LARP1B: variants seen among roughly 807,000 people sequenced by gnomAD.
LARP1B encodes the protein La ribonucleoprotein 1B.
LARP1B carries 76 observed loss-of-function variants against 114.2 expected under a neutral mutation model. The ratio of observed to expected loss-of-function variants is 0.67; its 90% CI spans 0.55 to 0.81. The LOEUF (loss-of-function observed/expected upper bound fraction) is 0.81, where lower values mean the gene tolerates loss of function less well. Ranked by LOEUF, LARP1B falls within the 30% of genes least tolerant of loss-of-function variation. LARP1B has a pLI of 0.00. For synonymous variants in LARP1B, 345 were observed against 348.0 expected, an observed-to-expected ratio of 0.99 and a Z score of 0.10; for missense variants, 1,014 against 1,075.8, an observed-to-expected ratio of 0.94 and a Z score of 0.80.
intron 12 of LARP1B, among the ~76,000 whole-genome samples, chr4:128,170,902 C>A (rs1743372677): frequency 7.1e-6 from 1 of 140,464 alleles, no homozygotes; most frequent in Non-Finnish European, 1.6e-5. Flanking sequence ...CTTCTATTGC[C>A]CATTTTGTGC....
chr4:128,176,579 C>G (rs1420678775), intron 12 of LARP1B, among the ~76,000 whole-genome samples: 1 of 152,096 alleles, frequency 6.6e-6, no homozygotes, highest in African/African-American at 2.4e-5. Flanking sequence ...CAGGCGTGAG[C>G]CACTGCACCT....
intron 15 of LARP1B, 102 bp from the exon 16 acceptor site, chr4:128,199,337 C>A: frequency 1.2e-6 from 1 of 839,576 alleles, no homozygotes; most frequent in Non-Finnish European, 1.7e-6. Flanking sequence ...CTGTCTTTTC[C>A]ACTGCTTAGA....
At position 128,068,888 on chromosome 4, in the gene LARP1B, TCTTAA is replaced by T. The variant is rs1338245503; in HGVS notation, c.-77-5568_-77-5564del. ...TCAAGCATTATTGCACTTTAACTTT[TCTTAA>T]CTTGACAAAGCATTCATGAAGCAGT... On this transcript the variant is annotated intron_variant, in intron 1 of 19. Coordinates refer to ENST00000326639, the MANE Select transcript of LARP1B (RefSeq NM_018078.4). The T allele has an allele frequency of 3.2e-5, 14 of 439,350 alleles. No homozygotes were observed. In the East Asian group the frequency reaches 4.1e-4, roughly 13 times the overall value. The allele number at this position is 439,350 out of a possible 1,614,324, so 27.2% of individuals were successfully genotyped here. A position where few individuals can be genotyped will look rare whatever the true frequency, so the allele number is the denominator to read the frequency against.
intron 7 of LARP1B, among the ~76,000 whole-genome samples, chr4:128,221,233 T>C (rs948681112): frequency 6.6e-6 from 1 of 152,228 alleles, no homozygotes; most frequent in Non-Finnish European, 1.5e-5. Flanking sequence ...TTAAATGTTT[T>C]CCTAGAATTA....
rs1561011897 is a variant in LARP1B, at chr4:128,065,308, T to TC, written c.-78+3908dup. ...TTCTTTCTTTCTTTCTTTCTTTCTT[T>TC]CTTTCTTTCTCTCTCTCTCTCTCTT... On this transcript the variant is annotated intron_variant, in intron 1 of 19. Transcript: ENST00000326639. Among the ~76,000 whole-genome samples the TC allele has an allele frequency of 2.9e-3, 274 of 93,580 alleles. 2 individuals carry two copies. In the Middle Eastern group the frequency reaches 0.034, roughly 11 times the overall value. The allele number at this position is 93,580 out of a possible 152,430, so 61.4% of individuals were successfully genotyped here. A position where few individuals can be genotyped will look rare whatever the true frequency, so the allele number is the denominator to read the frequency against.
At chr4:128,068,722 T>TC (rs1244785336) in intron 1 of LARP1B, among the ~76,000 whole-genome samples, 6 of 152,114 alleles carry the variant, frequency 3.9e-5, no homozygotes, top group Non-Finnish European at 7.4e-5. Context: ...TTCCTTTTTT[T>TC]CCCTCTTTTA....
At chr4:128,139,843 A>T (rs1036941649) in intron 11 of LARP1B, among the ~76,000 whole-genome samples, 2 of 150,858 alleles carry the variant, frequency 1.3e-5, no homozygotes, top group Non-Finnish European at 3.0e-5. Flanking sequence ...TCAGATGGTA[A>T]GTAGAGTTTG....
rs1757616330 is a variant in LARP1B at position 128,206,427 on chromosome 4, G to C, written c.2310-1G>C. 2.6e-6 allele frequency: 4 copies of C among 1,559,588 alleles called. No homozygotes were observed. The highest frequency in any genetic ancestry group is 1.4e-5 in the African/African-American group (1 of 72,822). Reference sequence around the variant, plus strand: ...ATAAACCTTTTATTTTCTCTTTATAGGTATGGGTTAGAATGTCTGTTCAGG... The same window carrying C: ...ATAAACCTTTTATTTTCTCTTTATACGTATGGGTTAGAATGTCTGTTCAGG... On this transcript the variant is annotated splice_acceptor_variant, in intron 17 of 19. Coordinates refer to ENST00000326639, the MANE Select transcript of LARP1B (RefSeq NM_018078.4). LOFTEE classifies it high-confidence loss of function.
chr4:128,082,972 A>G (rs2149470070), intron 5 of LARP1B, among the ~76,000 whole-genome samples: 1 of 151,850 alleles, frequency 6.6e-6, no homozygotes, highest in East Asian at 1.9e-4. Context: ...GGCCTTCCGC[A>G]GTGTTTGTGT....
chr4:128,207,101 C>T (rs1269844158), intron 18 of LARP1B, among the ~76,000 whole-genome samples, 155 bp from the exon 19 acceptor site: 1 of 152,036 alleles, frequency 6.6e-6, no homozygotes, highest in African/African-American at 2.4e-5. Context: ...ATATTAGCTG[C>T]CATTATTGGT....
At chr4:128,161,880 A>G (rs1738675200) in intron 11 of LARP1B, among the ~76,000 whole-genome samples, 3 of 152,154 alleles carry the variant, frequency 2.0e-5, no homozygotes, top group Admixed American at 1.3e-4. Context: ...CATGTATTAG[A>G]TTACTTTGTA....
intron 11 of LARP1B, chr4:128,155,963 C>T: frequency 6.5e-7 from 1 of 1,534,226 alleles, no homozygotes; most frequent in South Asian, 1.2e-5. Context: ...ACCAGCAGCC[C>T]GCCAGCCCCC....
Position 128,203,477 on chromosome 4 carries a change from A to G in LARP1B, c.2309+2812A>G, listed in dbSNP as rs112386126. 4.9e-3 allele frequency among the ~76,000 whole-genome samples: 740 copies of G among 151,868 alleles called. 2 individuals are homozygous for G. Among genetic ancestry groups the G allele is most frequent in the African/African-American group, 0.017 (699 of 41,398 alleles). ...CAACCTCTGCCTCCTGGGTTCAAGC[A>G]ATTCTTCTGCCTCAGCCTCGTAAGT... On this transcript the variant is annotated intron_variant, in intron 17 of 19. Coordinates refer to ENST00000326639, the MANE Select transcript of LARP1B (RefSeq NM_018078.4).
intron 1 of LARP1B, among the ~76,000 whole-genome samples, chr4:128,066,165 C>CTTTTTTTTTTTTTTTTTTTTTTTTTTT (rs59927866): frequency 8.1e-5 from 8 of 99,190 alleles, no homozygotes; most frequent in Non-Finnish European, 1.1e-4. Context: ...TTTCTTTCTT[C>CTTTTTTTTTTTTTTTTTTTTTTTTTTT]TTTTTTTTTT....
intron 11 of LARP1B, among the ~76,000 whole-genome samples, chr4:128,139,385 C>G (rs1726893447): frequency 6.6e-6 from 1 of 152,064 alleles, no homozygotes; most frequent in Admixed American, 6.5e-5. Flanking sequence ...CCCAGCTATT[C>G]TAGAGGCTAA....
At chr4:128,142,871 C>T (rs1172972748) in intron 11 of LARP1B, among the ~76,000 whole-genome samples, 1 of 152,106 alleles carries the variant, frequency 6.6e-6, no homozygotes, top group Non-Finnish European at 1.5e-5. Flanking sequence ...CTCTGAAAGA[C>T]TTCTCAGATC....
At chr4:128,183,366 T>C (rs1749222497) in intron 15 of LARP1B, among the ~76,000 whole-genome samples, 1 of 152,186 alleles carries the variant, frequency 6.6e-6, no homozygotes. Flanking sequence ...ATGCCAGGGC[T>C]CTTTTGAATT....
chr4:128,084,650 G>A (rs1339815938), intron 5 of LARP1B, among the ~76,000 whole-genome samples: 1 of 152,030 alleles, frequency 6.6e-6, no homozygotes, highest in Non-Finnish European at 1.5e-5. Context: ...GAGGGAGAGG[G>A]AGAGGGAGAG....
chr4:128,092,955 C>T, intron 7 of LARP1B: 1 of 985,342 alleles, frequency 1.0e-6, no homozygotes, highest in Non-Finnish European at 1.2e-6. Context: ...TGTGCTCATA[C>T]AAGTGAGGGA....
Sources: gnomAD v4.1 joint callset for allele counts (sites outside exome capture counted in the v4.1 genomes callset) on GRCh38, gnomAD v4.1.1 for gene constraint, MANE v1.5 for transcripts, NCBI Gene and HGNC (gene_info 2026-07-23, HGNC 2026-07-21) for gene names.